HIVEP2: variants seen among roughly 807,000 people sequenced by gnomAD.
HIVEP2 encodes transcription factor HIVEP2.
HIVEP2 carries 14 observed loss-of-function variants against 180.7 expected under a neutral mutation model. That is an observed-to-expected ratio of 0.08 (90% CI 0.05 to 0.12). The LOEUF (loss-of-function observed/expected upper bound fraction) is 0.12. Ranked by LOEUF, HIVEP2 falls within the 10% of genes least tolerant of loss-of-function variation. The pLI is 1.00. For synonymous variants in HIVEP2, 1,184 were observed against 1,136.4 expected (o/e 1.04, Z -0.84); for missense variants, 2,579 against 3,008.5 (o/e 0.86, Z 3.34).
chr6:142,928,637 C>G (rs1359058986), intron 1 of HIVEP2, among the ~76,000 whole-genome samples: 1 of 152,186 alleles, frequency 6.6e-6, no homozygotes, highest in East Asian at 1.9e-4. Flanking sequence ...ACAACTTTAT[C>G]ACATGATATC....
At chr6:142,930,429 A>G (rs941066681) in intron 1 of HIVEP2, among the ~76,000 whole-genome samples, 19 of 152,154 alleles carry the variant, frequency 1.2e-4, no homozygotes, top group African/African-American at 4.1e-4. Context: ...CCATAAAACT[A>G]TAACCTTCTC....
chr6:142,916,170 A>G (rs563370764), intron 1 of HIVEP2, among the ~76,000 whole-genome samples: 3 of 152,310 alleles, frequency 2.0e-5, no homozygotes, highest in Admixed American at 2.0e-4. Context: ...TAGTGTAGTC[A>G]TCTACTCCCT....
intron 1 of HIVEP2, among the ~76,000 whole-genome samples, chr6:142,922,910 TA>T (rs1777717158): frequency 6.6e-6 from 1 of 152,236 alleles, no homozygotes; most frequent in South Asian, 2.1e-4. Flanking sequence ...TGTATTCATG[TA>T]AACACATAGT....
At chr6:142,793,677 C>CTTTCTTTCTTTCTTTTTTTTTTCTTTCTT (rs1554279295) in intron 2 of HIVEP2, among the ~76,000 whole-genome samples, 1 of 125,044 alleles carries the variant, frequency 8.0e-6, no homozygotes, top group Admixed American at 9.5e-5. Context: ...CTTTCTTTCT[C>CTTTCTTTCTTTCTTTTTTTTTTCTTTCTT]TCTCTCTCTC....
intron 6 of HIVEP2, among the ~76,000 whole-genome samples, chr6:142,766,757 T>C (rs1775388697): frequency 6.6e-6 from 1 of 152,238 alleles, no homozygotes; most frequent in African/African-American, 2.4e-5. Context: ...ATCTACTTGA[T>C]AAGGTAATTG....
At chr6:142,869,794 C>T (rs1776241483) in intron 1 of HIVEP2, among the ~76,000 whole-genome samples, 1 of 152,140 alleles carries the variant, frequency 6.6e-6, no homozygotes, top group South Asian at 2.1e-4. Context: ...ACTCTACTCT[C>T]CAACTTCATT....
rs757437929 is a variant in HIVEP2, at chr6:142,769,618, C to T, written c.5121G>A (p.Leu1707=). The T allele has an allele frequency of 1.5e-5, 24 of 1,614,058 alleles. No homozygotes were observed. The highest frequency in any genetic ancestry group is 6.7e-5 in the African/African-American group (5 of 74,914). ...CGGTTCCAGGCCTATGCATAGCAGCCAGAGTATAAATTTCTGCAGTGATTT... is the reference window on the plus strand; with the variant it reads ...CGGTTCCAGGCCTATGCATAGCAGCTAGAGTATAAATTTCTGCAGTGATTT... The part of the protein sequence containing the change: ...KQKITAEIYT[L]AAMHRPGTGK... The change falls in exon 5 of 10, where the codon CTG becomes CTA. Residue 1707 remains leucine, a synonymous_variant. Transcript: ENST00000367603.
intron 1 of HIVEP2, among the ~76,000 whole-genome samples, chr6:142,854,525 C>CA (rs1160045414): frequency 1.3e-5 from 2 of 152,042 alleles, no homozygotes; most frequent in African/African-American, 4.8e-5. Context: ...AGAAATTCTA[C>CA]AAAAAAACCC....
Position 142,753,924 on chromosome 6 carries a change from C to T in HIVEP2, c.6524G>A (p.Arg2175Lys). 1 of 1,569,750 alleles carries T rather than the reference C, an allele frequency of 6.4e-7. No individual in the cohort carries two copies. Among genetic ancestry groups the T allele is most frequent in the Non-Finnish European group, 8.7e-7 (1 of 1,149,674 alleles). ...EPIVLGPPNL[R>K]RGLPQVPYFS... The stretch of plus-strand genomic sequence containing the variant: ...GTAAGGAACCTGAGGTAATCCTCTT[C>T]TTAAATTCTGCGCAGAGAAACAAAG... Residue 2175 changes from arginine (R) to lysine (K), a missense_variant, in exon 10 of 10, where the codon AGA becomes AAA. Coordinates refer to ENST00000367603, the MANE Select transcript of HIVEP2 (RefSeq NM_006734.4).
chr6:142,884,722 T>A (rs1311535755), intron 1 of HIVEP2, among the ~76,000 whole-genome samples: 1 of 152,142 alleles, frequency 6.6e-6, no homozygotes, highest in Non-Finnish European at 1.5e-5. Context: ...GTTTGGGAGA[T>A]GGACACCGTT....
At chr6:142,754,777 A>T (rs1022764466) in intron 9 of HIVEP2, among the ~76,000 whole-genome samples, 2 of 152,218 alleles carry the variant, frequency 1.3e-5, no homozygotes, top group African/African-American at 4.8e-5. Flanking sequence ...CTTGGCAATC[A>T]ATGAATTAAG....
chr6:142,841,586 A>C (rs1238574783), intron 1 of HIVEP2, among the ~76,000 whole-genome samples: 7 of 151,898 alleles, frequency 4.6e-5, no homozygotes, highest in Non-Finnish European at 1.0e-4. Context: ...GGAAATTTTC[A>C]CCCATTTTTT....
intron 1 of HIVEP2, among the ~76,000 whole-genome samples, chr6:142,841,426 CAT>C (rs1405978646): frequency 6.7e-6 from 1 of 149,788 alleles, no homozygotes; most frequent in South Asian, 2.1e-4. Context: ...TTTTCATGTG[CAT>C]AATCACATGA....
At chr6:142,797,871 T>A (rs1776316241) in intron 2 of HIVEP2, among the ~76,000 whole-genome samples, 1 of 151,724 alleles carries the variant, frequency 6.6e-6, no homozygotes, top group Admixed American at 6.6e-5. Flanking sequence ...CAATTGGGGG[T>A]CTTGGAATAT....
At position 142,753,487 on chromosome 6, in the gene HIVEP2, C is replaced by T. The variant is rs1399373761; in HGVS notation, c.6961G>A (p.Glu2321Lys). Residue 2321 changes from glutamate to lysine, a missense_variant, in exon 10 of 10, where the codon GAA becomes AAA. Coordinates refer to ENST00000367603, the MANE Select transcript of HIVEP2 (RefSeq NM_006734.4). ...CAAGTCTGTATATTTTCCTCCTGTT[C>T]CCGCTCTGTTGCGTTTAGGCTGTCT... ...SEDSLNATER[E>K]QEENIQTCTK... The T allele has an allele frequency of 6.2e-7, 1 of 1,614,002 alleles. No individual in the cohort carries two copies. The highest frequency in any genetic ancestry group is 2.2e-5 in the East Asian group (1 of 44,898).
Position 142,773,334 on chromosome 6 carries a change from T to C in HIVEP2, c.1405A>G (p.Lys469Glu). 1 of 1,614,200 alleles carries C rather than the reference T, an allele frequency of 6.2e-7. No homozygotes were observed. The highest frequency in any genetic ancestry group is 8.5e-7 in the Non-Finnish European group (1 of 1,180,024). The change falls in exon 5 of 10, where the codon AAG becomes GAG. Residue 469 changes from lysine to glutamate, a missense_variant. By Grantham distance (56) the Lys-to-Glu change is moderately conservative. Around this residue, in one of 11 missense-constraint regions of HIVEP2, gnomAD observed 524 missense variants for 563.6 expected, o/e 0.93. Transcript: ENST00000367603. ...LPHVNTRLDV[K>E]MFEDPVSQLI... ...TGTGAAACAGGATCTTCAAACATCT[T>C]GACATCTAACCTGGTGTTAACGTGA...
intron 2 of HIVEP2, among the ~76,000 whole-genome samples, chr6:142,835,988 T>G (rs1775212592): frequency 6.6e-6 from 1 of 152,188 alleles, no homozygotes; most frequent in African/African-American, 2.4e-5. Context: ...CCCAGATGAT[T>G]AGACACTTTC....
In HIVEP2 at chr6:142,765,469, C is replaced by T. The variant is rs191206127; in HGVS notation, c.5343-495G>A. On this transcript the variant is annotated intron_variant, in intron 6 of 9. Transcript: ENST00000367603. ...TAATAGAATTCTTCATTGCAAGTTC[C>T]TACTCTATTTTTACAATCCTGGCAC... 2.0e-5 allele frequency among the ~76,000 whole-genome samples: 3 copies of T among 152,308 alleles called. No individual in the cohort carries two copies. In the East Asian group the frequency reaches 5.8e-4, roughly 29 times the overall value.
intron 1 of HIVEP2, among the ~76,000 whole-genome samples, chr6:142,902,946 G>C (rs139417454): frequency 0.019 from 2,817 of 152,262 alleles, 35 homozygotes; most frequent in Non-Finnish European, 0.028. Flanking sequence ...TTGGAGACAG[G>C]GGGGTGAGGA....
Sources: gnomAD v4.1 joint callset for allele counts (sites outside exome capture counted in the v4.1 genomes callset) on GRCh38, gnomAD v4.1.1 for gene constraint, gnomAD v4.1.1 regional missense constraint, MANE v1.5 for transcripts, NCBI Gene and HGNC (gene_info 2026-07-23, HGNC 2026-07-21) for gene names.